The following PPFIA4 variants were observed in gnomAD, a reference collection of about 807,000 sequenced individuals.
The protein encoded by PPFIA4 is PPFI scaffold protein A4, also known as liprin-alpha-4.
PPFIA4 carries 98 observed loss-of-function variants against 145.7 expected under a neutral mutation model. The ratio of observed to expected loss-of-function variants is 0.67; its 90% CI spans 0.57 to 0.80. The LOEUF (loss-of-function observed/expected upper bound fraction) is 0.80, where lower values mean the gene tolerates loss of function less well. Among genes scored for constraint, PPFIA4 ranks in the 30% least tolerant of loss-of-function variants. PPFIA4 has a pLI of 0.00. For synonymous variants in PPFIA4, 628 were observed against 649.6 expected (o/e 0.97, Z 0.51); for missense variants, 1,457 against 1,632.7 (o/e 0.89, Z 1.85).
chr1:203,048,109 C>T lies in PPFIA4; in HGVS notation c.1141-118C>T. 1 of 840,342 alleles carries T rather than the reference C, an allele frequency of 1.2e-6. No homozygotes were observed. The allele number at this position is 840,342 out of a possible 1,614,324, so 52.1% of individuals were successfully genotyped here. ...AAGATGATAAGTGGAGGCTGAGCGTCACTGGTACTGGGGGCCATGATCCCC... is the reference window on the plus strand; with the variant it reads ...AAGATGATAAGTGGAGGCTGAGCGTTACTGGTACTGGGGGCCATGATCCCC... On this transcript the variant is annotated intron_variant, in intron 9 of 29. Transcript: ENST00000295706. The surrounding 1 kb of genome is among the most constrained non-coding windows in gnomAD (Gnocchi z 5.8).
Position 203,052,050 on chromosome 1 carries a change from C to CCCT in PPFIA4, c.1620+175_1620+176insTCC, listed in dbSNP as rs371524341. ...TCGTCAGCTGCAACAGCTGTGCCCC[C>CCCT]CCCCCCGCTTGCCTTGGCCTCCTGG... On this transcript the variant is annotated intron_variant, in intron 14 of 29. Transcript: ENST00000295706. Among the ~76,000 whole-genome samples, 30 of 138,602 alleles carry CCCT rather than the reference C, an allele frequency of 2.2e-4. 2 individuals are homozygous for CCCT. Among genetic ancestry groups the CCCT allele is most frequent in the Middle Eastern group, 3.7e-3 (1 of 268 alleles). 90.9% of individuals were successfully genotyped at this position (138,602 alleles called of 152,430 possible). A position where few individuals can be genotyped will look rare whatever the true frequency, so the allele number is the denominator to read the frequency against.
chr1:203,051,541 G>A (rs1189206842), intron 13 of PPFIA4: 6 of 808,618 alleles, frequency 7.4e-6, no homozygotes, highest in Non-Finnish European at 5.1e-6. Context: ...ACGGAAAACC[G>A]CTCTCTGGAA....
intron 14 of PPFIA4, 140 bp downstream of exon 14, chr1:203,052,017 T>G: frequency 1.1e-6 from 1 of 879,182 alleles, no homozygotes; most frequent in Non-Finnish European, 1.7e-6. Flanking sequence ...GCCCTGGGGT[T>G]GAGGCCATCG....
chr1:203,075,457 C>A lies in PPFIA4; in HGVS notation c.3394-120C>A. ...GAAAGGGGAAGTGACCTCGCTCCCT[C>A]TTTCCAAAGGGGTGGGAGTGGTGCC... is the stretch of plus-strand genomic sequence containing the variant. On this transcript the variant is annotated intron_variant, in intron 28 of 29. Coordinates refer to ENST00000295706, the MANE Select transcript of PPFIA4 (RefSeq NM_001304331.2). The surrounding 1 kb of genome is among the most constrained non-coding windows in gnomAD (Gnocchi z 4.1). 3 of 811,368 alleles carry A rather than the reference C, an allele frequency of 3.7e-6. No homozygotes were observed. The highest frequency in any genetic ancestry group is 5.0e-6 in the Non-Finnish European group (3 of 597,280). The allele number at this position is 811,368 out of a possible 1,614,324, so 50.3% of individuals were successfully genotyped here.
chr1:203,056,188 G>A (rs765892535), intron 17 of PPFIA4, 33 bp downstream of exon 17: 13 of 1,613,576 alleles, frequency 8.1e-6, no homozygotes. Flanking sequence ...GGTACTAACG[G>A]GTTCACTGCT....
In PPFIA4 at chr1:203,053,864, G is replaced by A. The variant is rs1396046399; in HGVS notation, c.1732G>A (p.Gly578Ser). ...TGAGGATGAGCCAGGGGGTCTGGTG[G>A]GCTCTGCGGATGTTGTCTCCCCCAG... The part of the protein sequence containing the change: ...VDEDEPGGLV[G>S]SADVVSPSGH... Residue 578 changes from glycine (G) to serine (S), a missense_variant, in exon 15 of 30, where the codon GGC (glycine) becomes AGC (serine). Gly to Ser is a moderately conservative substitution (Grantham distance 56). Around this residue, in one of 3 missense-constraint regions of PPFIA4, gnomAD observed 848 missense variants for 1,046.7 expected, o/e 0.81. Coordinates refer to ENST00000295706, the MANE Select transcript of PPFIA4 (RefSeq NM_001304331.2). 1.3e-6 allele frequency: 2 copies of A among 1,557,734 alleles called. No individual in the cohort carries two copies. Among genetic ancestry groups the A allele is most frequent in the South Asian group, 2.4e-5 (2 of 84,380 alleles).
chr1:203,071,279 C>G (rs913182597), intron 27 of PPFIA4, among the ~76,000 whole-genome samples: 9 of 151,422 alleles, frequency 5.9e-5, no homozygotes, highest in African/African-American at 2.2e-4. Flanking sequence ...AAGCAATTCT[C>G]CTGCCTCAGC....
rs191402901 is a variant in PPFIA4 at position 203,075,368 on chromosome 1, G to T, written c.3394-209G>T. The stretch of plus-strand genomic sequence containing the variant: ...ACACCCCCTCCATCCGCCACCCAGA[G>T]ACAGGGAATTTCAGAGTCGCAGGGT... On this transcript the variant is annotated intron_variant, in intron 28 of 29. Transcript: ENST00000295706. This position sits in a 1 kb window ranked among gnomAD's most constrained non-coding sequence, Gnocchi z 4.1. Among the ~76,000 whole-genome samples, 1 of 152,046 alleles carries T rather than the reference G, an allele frequency of 6.6e-6. No homozygotes were observed. Among genetic ancestry groups the T allele is most frequent in the East Asian group, 1.9e-4 (1 of 5,156 alleles).
chr1:203,044,266 A>C (rs1352075561), intron 4 of PPFIA4, 113 bp from the exon 5 acceptor site: 2 of 1,185,384 alleles, frequency 1.7e-6, no homozygotes, highest in Non-Finnish European at 2.4e-6. Context: ...TGTGCTGCTT[A>C]GTAGGCCCTT....
At chr1:203,049,044 C>G (rs936660342) in intron 12 of PPFIA4, 64 bp downstream of exon 12, 2 of 1,485,476 alleles carry the variant, frequency 1.3e-6, no homozygotes, top group African/African-American at 1.4e-5. Flanking sequence ...GAAAGGACAC[C>G]CTGCTTTTAA....
chr1:203,050,605 A>G lies in PPFIA4; in HGVS notation c.1511+838A>G, dbSNP rs544968060. 2.6e-4 allele frequency among the ~76,000 whole-genome samples: 40 copies of G among 152,314 alleles called. 1 individual carries two copies. Among genetic ancestry groups the G allele is most frequent in the African/African-American group, 8.9e-4 (37 of 41,586 alleles). On this transcript the variant is annotated intron_variant, in intron 13 of 29. Transcript: ENST00000295706. Reference sequence around the variant, plus strand: ...TGAAGAAAGGTTAATGGAAATATCCATATAGATATGTGTGGAGGGGCAGTG... The same window carrying G: ...TGAAGAAAGGTTAATGGAAATATCCGTATAGATATGTGTGGAGGGGCAGTG...
chr1:203,049,616 C>A (rs1660345770), intron 12 of PPFIA4, 60 bp from the exon 13 acceptor site: 4 of 1,309,180 alleles, frequency 3.1e-6, no homozygotes, highest in African/African-American at 3.0e-5. Context: ...GACTCCCACC[C>A]TCCCTCTCTG....
intron 25 of PPFIA4, chr1:203,067,366 C>T: frequency 3.5e-6 from 1 of 289,308 alleles, no homozygotes; most frequent in East Asian, 7.3e-5. Context: ...CTTTTCCTTC[C>T]ACTTGCAGGT....
chr1:203,052,582 G>T (rs551140447), intron 14 of PPFIA4, among the ~76,000 whole-genome samples: 1 of 152,260 alleles, frequency 6.6e-6, no homozygotes, highest in Admixed American at 6.5e-5. Flanking sequence ...GTCACAGTCT[G>T]AAGGTGCCTC....
chr1:203,049,233 G>A (rs1298674031), intron 12 of PPFIA4, among the ~76,000 whole-genome samples: 2 of 152,192 alleles, frequency 1.3e-5, no homozygotes, highest in East Asian at 3.8e-4. Flanking sequence ...CCCAGTGAGG[G>A]GCTCCACCCC....
At chr1:203,076,028 C>T in intron 29 of PPFIA4, 1 of 581,940 alleles carries the variant, frequency 1.7e-6, no homozygotes, top group Non-Finnish European at 3.0e-6. Flanking sequence ...TCCTGCTGAC[C>T]CCCCATCCTC....
chr1:203,046,190 TG>T, intron 8 of PPFIA4, 57 bp from the exon 9 acceptor site: 2 of 1,071,256 alleles, frequency 1.9e-6, no homozygotes, highest in Non-Finnish European at 2.3e-6. Context: ...GAGGCTGGGG[TG>T]GGGGTGGGGG....
intron 2 of PPFIA4, among the ~76,000 whole-genome samples, chr1:203,040,097 A>G (rs1394078482): frequency 6.6e-6 from 1 of 152,190 alleles, no homozygotes; most frequent in Non-Finnish European, 1.5e-5. Context: ...AGGAGCCTGG[A>G]TGATTTGGTT....
At position 203,051,798 on chromosome 1, in the gene PPFIA4, G is replaced by T. The variant is rs112683890; in HGVS notation, c.1541G>T (p.Arg514Leu). 1.9e-6 allele frequency: 3 copies of T among 1,613,604 alleles called. No individual in the cohort carries two copies. The highest frequency in any genetic ancestry group is 2.5e-6 in the Non-Finnish European group (3 of 1,179,764). Residue 514 changes from arginine (R) to leucine (L), a missense_variant, in exon 14 of 30, where the codon CGG (arginine) becomes CTG (leucine). Physicochemically the swap from Arg to Leu is moderately radical, Grantham distance 102 (BLOSUM62 -2). Around this residue, in one of 3 missense-constraint regions of PPFIA4, gnomAD observed 848 missense variants for 1,046.7 expected, o/e 0.81. Coordinates refer to ENST00000295706, the MANE Select transcript of PPFIA4 (RefSeq NM_001304331.2). ...RSHMGSAADVRFSLGTTTHAP... is the reference protein window; with the variant it reads ...RSHMGSAADVLFSLGTTTHAP... ...CACATGGGCAGTGCAGCAGACGTGC[G>T]GTTCTCCCTGGGCACAACCACACAC...
Sources: allele counts gnomAD v4.1 joint callset (sites outside exome capture counted in the v4.1 genomes callset), GRCh38; gene constraint gnomAD v4.1.1; regional missense constraint gnomAD v4.1.1; non-coding constraint Gnocchi (gnomAD v3.1); transcripts MANE v1.5; gene names NCBI Gene and HGNC (gene_info 2026-07-23, HGNC 2026-07-21).